VRK2: variants seen among roughly 807,000 people sequenced by gnomAD.
VRK2 encodes the protein VRK serine/threonine kinase 2.
In VRK2, 60 loss-of-function variants were observed where a neutral mutation model predicts 57.6. The ratio of observed to expected loss-of-function variants is 1.04; its 90% CI spans 0.85 to 1.29. The LOEUF (loss-of-function observed/expected upper bound fraction) is 1.29, where lower values mean the gene tolerates loss of function less well. Among genes scored for constraint, VRK2 ranks in the 50% most tolerant of loss-of-function variants. VRK2 has a pLI of 0.00. For missense variants in VRK2, 705 were observed against 588.1 expected, an observed-to-expected ratio of 1.20 and a Z score of -2.06; for synonymous variants, 231 against 199.2, an observed-to-expected ratio of 1.16 and a Z score of -1.35.
chr2:57,949,081 G>C (rs955531894), intron 1 of VRK2, among the ~76,000 whole-genome samples: 2 of 151,784 alleles, frequency 1.3e-5, no homozygotes, highest in African/African-American at 4.8e-5. Context: ...GGGGGACAGG[G>C]GGCGGGAATA....
intron 1 of VRK2, among the ~76,000 whole-genome samples, chr2:57,968,411 T>A (rs1017213635): frequency 6.6e-6 from 1 of 151,940 alleles, no homozygotes; most frequent in South Asian, 2.1e-4. Flanking sequence ...AGGAAAAAAA[T>A]AGATACTTAT....
rs1182264683 is a variant in VRK2 at position 58,047,170 on chromosome 2, T to C, written c.-6+302T>C. ...TTTTTGCCGGTGCAGAGAGAACTTGTGGCGGGAAGTTGGGGCGCGGGGTTG... is the reference window on the plus strand; with the variant it reads ...TTTTTGCCGGTGCAGAGAGAACTTGCGGCGGGAAGTTGGGGCGCGGGGTTG... On this transcript the variant is annotated intron_variant, in intron 1 of 12. Transcript: ENST00000340157. The C allele has an allele frequency of 2.7e-5, 8 of 291,990 alleles. No individual in the cohort carries two copies. The East Asian group carries it at 8.7e-4, about 32-fold the overall frequency. The allele number at this position is 291,990 out of a possible 1,614,324, so 18.1% of individuals were successfully genotyped here. A position where few individuals can be genotyped will look rare whatever the true frequency, so the allele number is the denominator to read the frequency against.
intron 1 of VRK2, among the ~76,000 whole-genome samples, chr2:57,945,870 C>T (rs1351408797): frequency 6.6e-6 from 1 of 152,108 alleles, no homozygotes; most frequent in Admixed American, 6.5e-5. Context: ...TTAAGTAAGA[C>T]ATGTAAATAG....
intron 1 of VRK2, among the ~76,000 whole-genome samples, chr2:57,999,909 G>A (rs546365452): frequency 2.6e-5 from 4 of 152,002 alleles, no homozygotes; most frequent in African/African-American, 9.7e-5. Flanking sequence ...TTGGGAGGTC[G>A]AGGTAGAAGG....
chr2:57,947,258 A>G (rs1671290910), intron 1 of VRK2, among the ~76,000 whole-genome samples: 1 of 152,208 alleles, frequency 6.6e-6, no homozygotes, highest in Admixed American at 6.5e-5. Context: ...TAGAAATTTT[A>G]AAAATGCAAC....
chr2:58,112,180 C>T (rs1675668628), intron 7 of VRK2, among the ~76,000 whole-genome samples: 1 of 152,100 alleles, frequency 6.6e-6, no homozygotes, highest in South Asian at 2.1e-4. Flanking sequence ...TGCTTTCATC[C>T]TTTACAAGCT....
intron 7 of VRK2, among the ~76,000 whole-genome samples, chr2:58,116,818 AGGAATCCTG>A (rs2104448956): frequency 6.6e-6 from 1 of 152,260 alleles, no homozygotes; most frequent in African/African-American, 2.4e-5. Flanking sequence ...ACGGCTTAGG[AGGAATCCTG>A]GGCTGCAGGC....
intron 2 of VRK2, among the ~76,000 whole-genome samples, chr2:58,081,054 C>T (rs1670790186): frequency 6.6e-6 from 1 of 151,952 alleles, no homozygotes; most frequent in African/African-American, 2.4e-5. Context: ...TCAGAATACT[C>T]AATTGTTGCA....
At chr2:58,114,662 GA>G in intron 7 of VRK2, among the ~76,000 whole-genome samples, 1 of 151,890 alleles carries the variant, frequency 6.6e-6, no homozygotes, top group South Asian at 2.1e-4. Context: ...TTTTCTTGAA[GA>G]CGGAGGACCA....
intron 2 of VRK2, among the ~76,000 whole-genome samples, chr2:58,082,339 C>A (rs1671008516): frequency 6.6e-6 from 1 of 151,796 alleles, no homozygotes; most frequent in Non-Finnish European, 1.5e-5. Flanking sequence ...TTCTTCTGTA[C>A]TTTTTAGCTC....
intron 3 of VRK2, among the ~76,000 whole-genome samples, chr2:58,035,420 A>G (rs983674170): frequency 2.6e-5 from 4 of 151,912 alleles, no homozygotes; most frequent in Non-Finnish European, 4.4e-5. Context: ...TTGGAACTGG[A>G]TTCCAGGAAA....
At chr2:57,910,979 T>C (rs1572849596) in intron 1 of VRK2, among the ~76,000 whole-genome samples, 1 of 151,910 alleles carries the variant, frequency 6.6e-6, no homozygotes, top group Non-Finnish European at 1.5e-5. Flanking sequence ...ATAAACAGTA[T>C]TGGGGAATGA....
At chr2:58,051,724 C>T (rs1675776798) in intron 2 of VRK2, among the ~76,000 whole-genome samples, 1 of 152,174 alleles carries the variant, frequency 6.6e-6, no homozygotes, top group South Asian at 2.1e-4. Context: ...GCTTTGAGAT[C>T]AGTAGCCAGG....
chr2:58,046,218 A>G (rs150272745), upstream of VRK2, among the ~76,000 whole-genome samples: 40 of 152,268 alleles, frequency 2.6e-4, no homozygotes, highest in East Asian at 3.5e-3. Flanking sequence ...ATAACCAATA[A>G]CCTTATAATC....
At chr2:58,120,224 T>C (rs1264272626) in intron 7 of VRK2, among the ~76,000 whole-genome samples, 1 of 139,642 alleles carries the variant, frequency 7.2e-6, no homozygotes, top group Admixed American at 7.5e-5. Flanking sequence ...AGAGTCTTGC[T>C]CTGTTGCCCA....
intron 1 of VRK2, among the ~76,000 whole-genome samples, chr2:57,995,284 C>A (rs754547018): frequency 1.3e-5 from 2 of 152,104 alleles, no homozygotes; most frequent in African/African-American, 4.8e-5. Context: ...TTATGTAGAT[C>A]CTCCATTACA....
At chr2:57,909,567 A>C (rs1669924698) in intron 1 of VRK2, among the ~76,000 whole-genome samples, 1 of 152,180 alleles carries the variant, frequency 6.6e-6, no homozygotes, top group African/African-American at 2.4e-5. Context: ...GGATGCAAAA[A>C]CAAACAAAGA....
intron 1 of VRK2, among the ~76,000 whole-genome samples, chr2:58,002,307 T>G (rs1158192084): frequency 6.6e-6 from 1 of 152,044 alleles, no homozygotes; most frequent in African/African-American, 2.4e-5. Flanking sequence ...TGAAACCCCA[T>G]TTCCACTAAA....
At chr2:58,048,507 T>C in intron 1 of VRK2, 2 of 1,223,374 alleles carry the variant, frequency 1.6e-6, no homozygotes, top group Non-Finnish European at 2.1e-6. Flanking sequence ...TTGGAAATTG[T>C]TAATTTCGTG....
Sources: gnomAD v4.1 joint callset for allele counts (sites outside exome capture counted in the v4.1 genomes callset) on GRCh38, gnomAD v4.1.1 for gene constraint, MANE v1.5 for transcripts, NCBI Gene and HGNC (gene_info 2026-07-23, HGNC 2026-07-21) for gene names.